The following RUFY4 variants were observed in gnomAD, a reference collection of about 807,000 sequenced individuals.
The protein encoded by RUFY4 is RUN and FYVE domain-containing protein 4.
Under a neutral mutation model 69.0 loss-of-function variants are expected in RUFY4, and 73 were observed. The observed-to-expected ratio is 1.06, with a 90% CI of 0.88 to 1.29. The LOEUF (loss-of-function observed/expected upper bound fraction) is 1.29, where lower values mean the gene tolerates loss of function less well. Among genes scored for constraint, RUFY4 ranks in the 50% most tolerant of loss-of-function variants. The probability of loss-of-function intolerance (pLI) is 0.00; values close to 1 mark genes in which losing one functional copy is unlikely to be tolerated. For synonymous variants in RUFY4, 287 were observed against 271.8 expected, an observed-to-expected ratio of 1.06 and a Z score of -0.55; for missense variants, 770 against 705.6, an observed-to-expected ratio of 1.09 and a Z score of -1.03.
exon 8 of RUFY4, chr2:218,076,512 C>A: frequency 6.4e-7 from 1 of 1,550,664 alleles, no homozygotes; most frequent in South Asian, 1.2e-5. Flanking sequence ...GAGCTGCAGG[C>A]ACTTCGGGAG....
chr2:218,084,439 T>A (rs562257262), intron 9 of RUFY4, among the ~76,000 whole-genome samples: 1 of 151,850 alleles, frequency 6.6e-6, no homozygotes, highest in African/African-American at 2.4e-5. Context: ...ACCATGTTGG[T>A]CAGGCTGGTC....
chr2:218,060,841 G>A, intron 3 of RUFY4: 1 of 1,546,240 alleles, frequency 6.5e-7, no homozygotes, highest in South Asian at 1.1e-5. Context: ...TAGCAGACTG[G>A]GCTAACATTG....
intron 3 of RUFY4, chr2:218,059,070 C>G (rs1467886436): frequency 1.3e-5 from 2 of 152,244 alleles, no homozygotes; most frequent in African/African-American, 4.8e-5. Context: ...AGACTCTCAC[C>G]CAAGACCTCT....
chr2:218,076,575 C>A (rs1418973380), intron 8 of RUFY4, 42 bp downstream of exon 10: 9 of 1,542,890 alleles, frequency 5.8e-6, no homozygotes, highest in Non-Finnish European at 7.0e-6. Context: ...TGGAAGTGCT[C>A]CCTAGGTCCT....
chr2:218,052,732 C>T (rs1327244791), intron 2 of RUFY4, among the ~76,000 whole-genome samples: 3 of 134,702 alleles, frequency 2.2e-5, no homozygotes, highest in East Asian at 2.0e-4. Flanking sequence ...CTCTATCTCA[C>T]TTTTTTTTTT....
At chr2:218,042,621 T>C (rs1688723973) in intron 2 of RUFY4, among the ~76,000 whole-genome samples, 1 of 152,228 alleles carries the variant, frequency 6.6e-6, no homozygotes, top group South Asian at 2.1e-4. Flanking sequence ...TTGGGTGTTC[T>C]GGTAAACTCT....
intron 9 of RUFY4, among the ~76,000 whole-genome samples, chr2:218,087,277 T>C (rs934934706): frequency 1.3e-5 from 2 of 152,132 alleles, no homozygotes; most frequent in African/African-American, 4.8e-5. Context: ...ACTTGAAATA[T>C]TGACCTGGTG....
At chr2:218,038,220 A>T (rs1959007626) in intron 2 of RUFY4, among the ~76,000 whole-genome samples, 1 of 152,192 alleles carries the variant, frequency 6.6e-6, no homozygotes, top group South Asian at 2.1e-4. Flanking sequence ...ACACCTTAGA[A>T]TTACAGCTGC....
chr2:218,073,874 G>T (rs745624235), exon 6 of RUFY4: 39 of 1,613,908 alleles, frequency 2.4e-5, no homozygotes, highest in Non-Finnish European at 3.1e-5. Context: ...AAACAAAGAT[G>T]CCCCAAAGAA....
At chr2:218,035,742 A>G (rs1224861205) in intron 2 of RUFY4, among the ~76,000 whole-genome samples, 1 of 152,176 alleles carries the variant, frequency 6.6e-6, no homozygotes, top group Non-Finnish European at 1.5e-5. Flanking sequence ...GAGATCCCCC[A>G]GGAGAGAGGC....
chr2:218,061,196 T>G, intron 3 of RUFY4: 1 of 398,274 alleles, frequency 2.5e-6, no homozygotes, highest in Non-Finnish European at 5.1e-6. Flanking sequence ...CTCAGCTGAA[T>G]AAGATGACCA....
chr2:218,038,721 A>T (rs1959016679), intron 2 of RUFY4, among the ~76,000 whole-genome samples: 1 of 152,142 alleles, frequency 6.6e-6, no homozygotes, highest in Admixed American at 6.5e-5. Flanking sequence ...ACATTTGCTA[A>T]TGTTGGTTGG....
At chr2:218,072,208 C>G (rs534864359) in intron 2 of RUFY4, among the ~76,000 whole-genome samples, 166 bp from the exon 5 acceptor site, 2 of 152,286 alleles carry the variant, frequency 1.3e-5, no homozygotes, top group South Asian at 4.2e-4. Context: ...GAGGTCAAGC[C>G]CCTTGCTCGT....
intron 4 of RUFY4, 81 bp downstream of exon 6, chr2:218,072,966 C>A: frequency 8.7e-7 from 1 of 1,155,978 alleles, no homozygotes; most frequent in Non-Finnish European, 1.2e-6. Context: ...CTTTAACCCC[C>A]ACAGATGGCT....
chr2:218,072,885 G>C (rs1184883097), exon 4 of RUFY4: 25 of 1,522,544 alleles, frequency 1.6e-5, no homozygotes, highest in Non-Finnish European at 2.2e-5. Flanking sequence ...GAGCTCACCA[G>C]GTGGGGCTGT....
upstream of RUFY4, chr2:218,070,257 A>G: frequency 1.2e-5 from 4 of 340,260 alleles, no homozygotes; most frequent in Admixed American, 7.7e-5. Flanking sequence ...TGGATAAAAG[A>G]CTTACCCTCT....
intron 2 of RUFY4, among the ~76,000 whole-genome samples, chr2:218,035,820 G>A (rs576737733): frequency 6.0e-4 from 91 of 152,194 alleles, no homozygotes; most frequent in Non-Finnish European, 1.1e-3. Flanking sequence ...CCTTGGGGCC[G>A]CGCTTTACTT....
rs201216175 is a variant in RUFY4, at chr2:218,062,242, AT to A, written c.-1071+3565del. On this transcript the variant is annotated intron_variant and NMD_transcript_variant, in intron 3 of 13. Transcript: ENST00000457754. ...GTGAAACCCCGTCTCTACTAAAAATATTTTAAAAAAAAAATTAGCCGGGCAT... is the reference window on the plus strand; with the variant it reads ...GTGAAACCCCGTCTCTACTAAAAATATTTAAAAAAAAAATTAGCCGGGCAT... Among the ~76,000 whole-genome samples, 346 of 150,284 alleles carry A rather than the reference AT, an allele frequency of 2.3e-3. 1 individual carries two copies. The highest frequency in any genetic ancestry group is 7.9e-3 in the African/African-American group (324 of 41,260).
At chr2:218,070,717 C>A (rs1399017989) in intron 1 of RUFY4, 36 bp from the exon 4 acceptor site, 1 of 1,534,212 alleles carries the variant, frequency 6.5e-7, no homozygotes, top group Non-Finnish European at 8.7e-7. Context: ...GGGAGCCCCT[C>A]CCTCAGCGAC....
Sources: gnomAD v4.1 joint callset for allele counts (sites outside exome capture counted in the v4.1 genomes callset) on GRCh38, gnomAD v4.1.1 for gene constraint, MANE v1.5 for transcripts, NCBI Gene and HGNC (gene_info 2026-07-23, HGNC 2026-07-21) for gene names.